HM13: variants seen among roughly 807,000 people sequenced by gnomAD.
The protein encoded by HM13 is histocompatibility minor 13.
Under a neutral mutation model 50.0 loss-of-function variants are expected in HM13, and 18 were observed. The ratio of observed to expected loss-of-function variants is 0.36; its 90% CI spans 0.25 to 0.53. The LOEUF (loss-of-function observed/expected upper bound fraction) is 0.53. Ranked by LOEUF, HM13 falls within the 20% of genes least tolerant of loss-of-function variation. HM13 has a pLI of 0.90. For missense variants in HM13, 393 were observed against 552.4 expected, an observed-to-expected ratio of 0.71 and a Z score of 2.89; for synonymous variants, 197 against 232.6, an observed-to-expected ratio of 0.85 and a Z score of 1.39.
At position 31,559,607 on chromosome 20, in the gene HM13, A is replaced by G. The variant is rs1984501380; in HGVS notation, c.809-4A>G. ...CACTCTCTAACCCCAGCTTTCTCCC[A>G]CAGGGATCTTCATTGCCTTGCTGCT... On this transcript the variant is annotated splice_polypyrimidine_tract_variant and splice_region_variant and intron_variant, in intron 8 of 12. Transcript: ENST00000398174. The G allele has an allele frequency of 6.2e-7, 1 of 1,614,058 alleles. No homozygotes were observed. Among genetic ancestry groups the G allele is most frequent in the East Asian group, 2.2e-5 (1 of 44,876 alleles).
intron 4 of HM13, among the ~76,000 whole-genome samples, chr20:31,546,178 T>C (rs1983705289): frequency 6.6e-6 from 1 of 150,988 alleles, no homozygotes; most frequent in African/African-American, 2.4e-5. Context: ...GCCTCCCGAG[T>C]AGCTGGGACT....
At chr20:31,567,994 C>A (rs1031739210) in intron 11 of HM13, 84 bp from the exon 12 acceptor site, 1 of 1,222,320 alleles carries the variant, frequency 8.2e-7, no homozygotes, top group Non-Finnish European at 1.1e-6. Flanking sequence ...CTGCTCTCTG[C>A]TCCTTGGAAA....
At chr20:31,515,688 G>A (rs1280923915) in intron 1 of HM13, among the ~76,000 whole-genome samples, 3 of 152,082 alleles carry the variant, frequency 2.0e-5, no homozygotes, top group African/African-American at 4.8e-5. Flanking sequence ...ATAACTAGGA[G>A]GACTCCAGCA....
At position 31,569,261 on chromosome 20, in the gene HM13, T is replaced by C; in HGVS notation, c.*42T>C. ...GCCTCTCAGGGCCAGACCAGACAGATGGGGGCTGGGCCCACACAGGCGTGC... is the reference window on the plus strand; with the variant it reads ...GCCTCTCAGGGCCAGACCAGACAGACGGGGGCTGGGCCCACACAGGCGTGC... On this transcript the variant is annotated 3_prime_UTR_variant, in exon 13 of 13. Transcript: ENST00000398174. 7.3e-7 allele frequency: 1 copy of C among 1,372,646 alleles called. No homozygotes were observed. The allele number at this position is 1,372,646 out of a possible 1,614,324, so 85.0% of individuals were successfully genotyped here. A position where few individuals can be genotyped will look rare whatever the true frequency, so the allele number is the denominator to read the frequency against.
At chr20:31,566,344 C>A in intron 11 of HM13, 49 bp downstream of exon 11, 1 of 1,487,258 alleles carries the variant, frequency 6.7e-7, no homozygotes, top group Non-Finnish European at 9.4e-7. Context: ...AGTGTGCCTG[C>A]TGGCAGTCAG....
In HM13 at chr20:31,561,614, T is replaced by C; in HGVS notation, c.846-20T>C. On this transcript the variant is annotated intron_variant, in intron 9 of 12. Coordinates refer to ENST00000398174, the MANE Select transcript of HM13 (RefSeq NM_178581.3). Reference sequence around the variant, plus strand: ...CCCTATATCTAACCCTCCTCCTCTTTCTTCACACCTTCCCTGCAGCTTGAA... The same window carrying C: ...CCCTATATCTAACCCTCCTCCTCTTCCTTCACACCTTCCCTGCAGCTTGAA... 1 of 1,549,724 alleles carries C rather than the reference T, an allele frequency of 6.5e-7. No individual in the cohort carries two copies. Among genetic ancestry groups the C allele is most frequent in the East Asian group, 2.2e-5 (1 of 44,574 alleles).
Position 31,514,851 on chromosome 20 carries a change from T to G in HM13, c.183+117T>G. The G allele has an allele frequency of 9.8e-7, 1 of 1,015,346 alleles. No homozygotes were observed. The allele number at this position is 1,015,346 out of a possible 1,614,324, so 62.9% of individuals were successfully genotyped here. On this transcript the variant is annotated intron_variant, in intron 1 of 12. Transcript: ENST00000398174. This position sits in a 1 kb window ranked among gnomAD's most constrained non-coding sequence, Gnocchi z 4.3. ...GGACACTGACTCTTCCCAGCCCTGA[T>G]CACCACCGTTCCCTCTGTCTCGGGC...
chr20:31,567,165 C>T (rs1205482701), intron 11 of HM13, among the ~76,000 whole-genome samples: 2 of 152,186 alleles, frequency 1.3e-5, no homozygotes, highest in African/African-American at 4.8e-5. Flanking sequence ...CCTCGCCCAG[C>T]AAAGCTCTGT....
chr20:31,516,276 G>A (rs900563006), intron 1 of HM13, among the ~76,000 whole-genome samples: 1 of 152,296 alleles, frequency 6.6e-6, no homozygotes, highest in African/African-American at 2.4e-5. Flanking sequence ...TCCAAACTGA[G>A]TAATTCTCCC....
intron 7 of HM13, 92 bp downstream of exon 7, chr20:31,550,213 T>C (rs1983967724): frequency 1.1e-6 from 1 of 903,380 alleles, no homozygotes; most frequent in Admixed American, 1.7e-5. Context: ...TCTCCCTATC[T>C]CTTCCCCATG....
intron 8 of HM13, among the ~76,000 whole-genome samples, chr20:31,558,285 T>A (rs906647759): frequency 2.0e-5 from 3 of 152,196 alleles, no homozygotes; most frequent in Non-Finnish European, 4.4e-5. Flanking sequence ...AATAGCCCAC[T>A]GCTTGCCCCT....
At position 31,544,991 on chromosome 20, in the gene HM13, AG is replaced by A; in HGVS notation, c.411del (p.Gln137HisfsTer32). ...KFFPASFPNR[Q>X]YQLLFTQGSG... ...TTTCCAGCCAGCTTTCCAAATCGAC[AG>A]TACCAGCTGCTCTTCACACAGGGTT... is the stretch of plus-strand genomic sequence containing the variant. On this transcript the variant is annotated frameshift_variant, in exon 4 of 13. Coordinates refer to ENST00000398174, the MANE Select transcript of HM13 (RefSeq NM_178581.3). LOFTEE classifies it high-confidence loss of function. 1 of 1,614,216 alleles carries A rather than the reference AG, an allele frequency of 6.2e-7. No individual in the cohort carries two copies. The highest frequency in any genetic ancestry group is 1.1e-5 in the South Asian group (1 of 91,088).
At chr20:31,564,066 ACT>A (rs1203382508) in intron 10 of HM13, 3 of 149,898 alleles carry the variant, frequency 2.0e-5, no homozygotes, top group Admixed American at 6.7e-5. Context: ...CAAGAAGGAA[ACT>A]CTGTCTCAGA....
chr20:31,569,234 G>A lies in HM13; in HGVS notation c.*15G>A, dbSNP rs201596839. 1.6e-5 allele frequency: 24 copies of A among 1,522,878 alleles called. No homozygotes were observed. The highest frequency in any genetic ancestry group is 7.0e-5 in the East Asian group (3 of 42,626). The allele number at this position is 1,522,878 out of a possible 1,614,324, so 94.3% of individuals were successfully genotyped here. Reference sequence around the variant, plus strand: ...AAGAGAAATGATGCAGCTGGTGCCCGAGCCTCTCAGGGCCAGACCAGACAG... The same window carrying A: ...AAGAGAAATGATGCAGCTGGTGCCCAAGCCTCTCAGGGCCAGACCAGACAG... On this transcript the variant is annotated 3_prime_UTR_variant, in exon 13 of 13. Coordinates refer to ENST00000398174, the MANE Select transcript of HM13 (RefSeq NM_178581.3).
chr20:31,550,370 G>T, intron 7 of HM13: 1 of 511,994 alleles, frequency 2.0e-6, no homozygotes, highest in Non-Finnish European at 3.6e-6. Context: ...GAGCGAGCAT[G>T]GAGGGGAAGT....
chr20:31,569,156 G>A lies in HM13; in HGVS notation c.1218G>A (p.Val406=). The part of the protein sequence containing the change: ...EESNPKDPAA[V]TESKEGTEAS... ...CAAATCCTAAGGATCCAGCGGCAGTGACAGAATCCAAAGAGGGAACAGAGG... is the reference window on the plus strand; with the variant it reads ...CAAATCCTAAGGATCCAGCGGCAGTAACAGAATCCAAAGAGGGAACAGAGG... Residue 406 remains valine (V), a synonymous_variant, in exon 13 of 13, where the codon GTG becomes GTA. Transcript: ENST00000398174. 2 of 1,597,320 alleles carry A rather than the reference G, an allele frequency of 1.3e-6. No individual in the cohort carries two copies. The highest frequency in any genetic ancestry group is 2.2e-5 in the South Asian group (2 of 89,152).
intron 3 of HM13, 47 bp downstream of exon 3, chr20:31,538,308 C>T (rs1290199061): frequency 1.2e-6 from 2 of 1,614,116 alleles, no homozygotes; most frequent in Non-Finnish European, 1.7e-6. Flanking sequence ...TTCTCGGGAA[C>T]CAGTACAGGG....
chr20:31,548,967 G>A, intron 4 of HM13, 62 bp from the exon 5 acceptor site: 2 of 1,406,598 alleles, frequency 1.4e-6, no homozygotes, highest in Non-Finnish European at 2.0e-6. Flanking sequence ...CCGTCCAGGG[G>A]CTGACAGGTG....
chr20:31,526,948 C>T (rs1982524578), intron 1 of HM13, among the ~76,000 whole-genome samples: 2 of 152,344 alleles, frequency 1.3e-5, no homozygotes, highest in East Asian at 1.9e-4. Context: ...TTATTCCATA[C>T]TGGAATGGCC....
Sources: gnomAD v4.1 joint callset for allele counts (sites outside exome capture counted in the v4.1 genomes callset) on GRCh38, gnomAD v4.1.1 for gene constraint, Gnocchi (gnomAD v3.1) non-coding constraint, MANE v1.5 for transcripts, NCBI Gene and HGNC (gene_info 2026-07-23, HGNC 2026-07-21) for gene names.